Variants in ABCA9 observed in about 807,000 individuals in gnomAD.
ABCA9 encodes ATP-binding cassette sub-family A member 9.
In ABCA9, 183 loss-of-function variants were observed where a neutral mutation model predicts 205.3. The ratio of observed to expected loss-of-function variants is 0.89; its 90% CI spans 0.79 to 1.01. ABCA9 has a LOEUF of 1.01. Ranked by LOEUF, ABCA9 falls within the 50% of genes least tolerant of loss-of-function variation. The pLI is 0.00. For missense variants in ABCA9, 1,805 were observed against 1,912.4 expected (o/e 0.94, Z 1.05); for synonymous variants, 651 against 683.3 (o/e 0.95, Z 0.74).
At chr17:69,035,143 A>G (rs1272705897) in intron 8 of ABCA9, 103 bp downstream of exon 8, 17 of 1,047,258 alleles carry the variant, frequency 1.6e-5, no homozygotes, top group Admixed American at 1.6e-4. Flanking sequence ...TTATTTTTAC[A>G]AAAGTTATAG....
At chr17:69,013,630 A>G (rs919893242) in intron 22 of ABCA9, among the ~76,000 whole-genome samples, 1 of 152,122 alleles carries the variant, frequency 6.6e-6, no homozygotes, top group African/African-American at 2.4e-5. Flanking sequence ...GTTAGATCAT[A>G]TCCACCCACA....
upstream of ABCA9, among the ~76,000 whole-genome samples, chr17:69,062,211 G>T (rs1203502637): frequency 2.0e-5 from 3 of 150,964 alleles, no homozygotes. Context: ...TTGATTTTCT[G>T]CAGAAAATAC....
At chr17:69,018,362 ATC>A (rs771400723) in intron 20 of ABCA9, 49 bp downstream of exon 20, 8 of 1,385,088 alleles carry the variant, frequency 5.8e-6, no homozygotes, top group Middle Eastern at 1.9e-4. Flanking sequence ...TTTGGGGGGA[ATC>A]TCTCAACAAG....
Position 68,997,190 on chromosome 17 carries a change from C to G in ABCA9, c.3436-1176G>C, listed in dbSNP as rs183160795. ...AGGTGATCCACCCACCTCGGCCTCC[C>G]AAAGTGCTAGGATTACAGGCGTGAG... On this transcript the variant is annotated intron_variant, in intron 25 of 38. Coordinates refer to ENST00000340001, the MANE Select transcript of ABCA9 (RefSeq NM_080283.4). 2.1e-3 allele frequency among the ~76,000 whole-genome samples: 319 copies of G among 152,372 alleles called. 2 individuals carry two copies. Among genetic ancestry groups the G allele is most frequent in the African/African-American group, 7.5e-3 (313 of 41,590 alleles).
intron 10 of ABCA9, among the ~76,000 whole-genome samples, chr17:69,030,123 T>G (rs1364856487): frequency 2.6e-5 from 4 of 152,228 alleles, no homozygotes; most frequent in African/African-American, 9.6e-5. Context: ...GTCTACATTT[T>G]TACTTACATT....
intron 23 of ABCA9, among the ~76,000 whole-genome samples, chr17:69,008,550 A>AACTTGCACATTGCACAAAC (rs2070252400): frequency 1.3e-5 from 2 of 152,204 alleles, no homozygotes; most frequent in African/African-American, 4.8e-5. Context: ...TCGACGTGAA[A>AACTTGCACATTGCACAAAC]ACTTGCACAT....
At chr17:69,044,656 A>T in intron 4 of ABCA9, 56 bp from the exon 5 acceptor site, 1 of 1,521,916 alleles carries the variant, frequency 6.6e-7, no homozygotes, top group Non-Finnish European at 9.0e-7. Flanking sequence ...GGCTACAGAA[A>T]AAAACAAAAT....
chr17:69,000,386 C>T (rs150882091), intron 25 of ABCA9, among the ~76,000 whole-genome samples: 1,561 of 152,004 alleles, frequency 0.01, 14 homozygotes, highest in Non-Finnish European at 0.016. Flanking sequence ...AATAGGGAAT[C>T]CTTTCCCCAT....
the ABCA9 span, among the ~76,000 whole-genome samples, chr17:69,071,335 A>G: frequency 3.9e-5 from 6 of 152,304 alleles, no homozygotes; most frequent in East Asian, 1.2e-3. Flanking sequence ...CAGCTCATAC[A>G]GAAGAGCTTC....
intron 3 of ABCA9, among the ~76,000 whole-genome samples, chr17:69,048,592 T>A (rs2144494442): frequency 6.6e-6 from 1 of 152,298 alleles, no homozygotes; most frequent in East Asian, 1.9e-4. Context: ...GGTGAGAGAA[T>A]GAGACTATTC....
At chr17:69,042,563 C>T (rs2071579082) in intron 6 of ABCA9, 1 of 152,124 alleles carries the variant, frequency 6.6e-6, no homozygotes, top group Non-Finnish European at 1.5e-5. Context: ...AATCACCATT[C>T]CTAACATAAG....
chr17:68,985,009 C>T lies in ABCA9; in HGVS notation c.4285-30G>A, dbSNP rs371951269. 51 of 1,614,212 alleles carry T rather than the reference C, an allele frequency of 3.2e-5. No individual in the cohort carries two copies. In the African/African-American group the frequency reaches 5.5e-4, roughly 17 times the overall value. On this transcript the variant is annotated intron_variant, in intron 33 of 38. Transcript: ENST00000340001. ...AACGGGAGGAACAGCCCCTCTGGTT[C>T]CCATCTACGGCACTTGCAGAGCAAC...
chr17:69,065,928 G>A (rs887272785), upstream of ABCA9, among the ~76,000 whole-genome samples: 1 of 151,930 alleles, frequency 6.6e-6, no homozygotes, highest in Non-Finnish European at 1.5e-5. Context: ...CCTTTTGCTC[G>A]GCACTTCTCT....
At chr17:68,996,095 T>C in intron 25 of ABCA9, 81 bp from the exon 26 acceptor site, 1 of 1,437,926 alleles carries the variant, frequency 7.0e-7, no homozygotes, top group Non-Finnish European at 9.4e-7. Context: ...TGGGAATTCA[T>C]TTATAAACGT....
chr17:69,039,636 T>C (rs759781798), intron 6 of ABCA9, among the ~76,000 whole-genome samples: 1 of 152,082 alleles, frequency 6.6e-6, no homozygotes, highest in Non-Finnish European at 1.5e-5. Context: ...CATTAAGATA[T>C]AGCCATAGGC....
At chr17:69,067,082 A>G in the ABCA9 span, among the ~76,000 whole-genome samples, 2 of 152,196 alleles carry the variant, frequency 1.3e-5, no homozygotes, top group Admixed American at 1.3e-4. Context: ...CTTATGGAAT[A>G]AACTGAGTTA....
intron 25 of ABCA9, among the ~76,000 whole-genome samples, chr17:69,001,361 T>G (rs2069860329): frequency 1.3e-5 from 2 of 152,134 alleles, no homozygotes; most frequent in African/African-American, 4.8e-5. Flanking sequence ...CTTTTCTGCA[T>G]CTATTGAGAT....
upstream of ABCA9, among the ~76,000 whole-genome samples, chr17:69,061,649 A>G (rs186840229): frequency 2.0e-5 from 3 of 152,358 alleles, no homozygotes; most frequent in African/African-American, 7.2e-5. Context: ...CCCATGAAAC[A>G]AACTACTTTC....
At chr17:69,030,803 G>C (rs2071127378) in intron 10 of ABCA9, among the ~76,000 whole-genome samples, 1 of 152,112 alleles carries the variant, frequency 6.6e-6, no homozygotes, top group Non-Finnish European at 1.5e-5. Context: ...TAACTTTCAT[G>C]TTTAGATTGT....
Sources: allele counts gnomAD v4.1 joint callset (sites outside exome capture counted in the v4.1 genomes callset), GRCh38; gene constraint gnomAD v4.1.1; transcripts MANE v1.5; gene names NCBI Gene and HGNC (gene_info 2026-07-23, HGNC 2026-07-21).